Variants in LRP6 observed in about 807,000 individuals in gnomAD.
LRP6 encodes low-density lipoprotein receptor-related protein 6.
In LRP6, 43 loss-of-function variants were observed where a neutral mutation model predicts 184.1. The ratio of observed to expected loss-of-function variants is 0.23; its 90% CI spans 0.18 to 0.30. The LOEUF is 0.30. Among genes scored for constraint, LRP6 ranks in the 10% least tolerant of loss-of-function variants. The probability of loss-of-function intolerance (pLI) is 1.00; values close to 1 mark genes in which losing one functional copy is unlikely to be tolerated. For missense variants in LRP6, 1,571 were observed against 2,005.3 expected (o/e 0.78, Z 4.14); for synonymous variants, 719 against 684.9 (o/e 1.05, Z -0.78).
chr12:12,228,482 T>A (rs1352638566), intron 2 of LRP6, among the ~76,000 whole-genome samples: 1 of 152,214 alleles, frequency 6.6e-6, no homozygotes, highest in Non-Finnish European at 1.5e-5. Flanking sequence ...AGTCTCAGGA[T>A]CTGCTTTATG....
At chr12:12,184,310 A>G (rs931162810) in intron 4 of LRP6, among the ~76,000 whole-genome samples, 199 bp from the exon 5 acceptor site, 7 of 152,228 alleles carry the variant, frequency 4.6e-5, no homozygotes, top group Admixed American at 3.9e-4. Flanking sequence ...GGAATACACA[A>G]GAAGTAAAGC....
chr12:12,205,725 G>C (rs530273450), intron 2 of LRP6, among the ~76,000 whole-genome samples: 1 of 152,262 alleles, frequency 6.6e-6, no homozygotes, highest in African/African-American at 2.4e-5. Flanking sequence ...AATAAATGAA[G>C]AACAGAAATT....
chr12:12,158,931 T>C lies in LRP6; in HGVS notation c.2689A>G (p.Asn897Asp). ...AAGCAGAGGTGGGAGCAGTGCCCAT[T>C]GCTGGAAGCACATTCATTCCACCCT... The part of the protein sequence containing the change: ...QSGWNECASS[N>D]GHCSHLCLAV... Residue 897 changes from asparagine to aspartate, a missense_variant, in exon 12 of 23, where the codon AAT (asparagine) becomes GAT (aspartate). Transcript: ENST00000261349. 1 of 1,614,234 alleles carries C rather than the reference T, an allele frequency of 6.2e-7. No homozygotes were observed. The highest frequency in any genetic ancestry group is 8.5e-7 in the Non-Finnish European group (1 of 1,180,038).
intron 19 of LRP6, among the ~76,000 whole-genome samples, chr12:12,127,361 T>C (rs1949686265): frequency 6.6e-6 from 1 of 152,202 alleles, no homozygotes; most frequent in African/African-American, 2.4e-5. Flanking sequence ...AGTCATCAAA[T>C]GTTTTACCTG....
chr12:12,159,012 G>C lies in LRP6; in HGVS notation c.2608C>G (p.Gln870Glu). The change falls in exon 12 of 23, where the codon CAG becomes GAG. Residue 870 changes from glutamine to glutamate, a missense_variant. By Grantham distance (29) the Gln-to-Glu change is conservative (BLOSUM62 2). Coordinates refer to ENST00000261349, the MANE Select transcript of LRP6 (RefSeq NM_002336.3). ...KTSGQNRTII[Q>E]GHLDYVMDIL... ...TCCATCACATAATCCAAATGGCCCTGAATGATGGTGCGGTTTTGGCCACTG... is the reference window on the plus strand; with the variant it reads ...TCCATCACATAATCCAAATGGCCCTCAATGATGGTGCGGTTTTGGCCACTG... 1.9e-6 allele frequency: 3 copies of C among 1,614,188 alleles called. No homozygotes were observed. The highest frequency in any genetic ancestry group is 1.1e-5 in the South Asian group (1 of 91,082).
At chr12:12,204,999 T>C (rs1022957894) in intron 2 of LRP6, among the ~76,000 whole-genome samples, 5 of 151,448 alleles carry the variant, frequency 3.3e-5, no homozygotes, top group East Asian at 2.0e-4. Context: ...AAAAACTCTT[T>C]AATGTATTAT....
chr12:12,156,467 G>A (rs1313593488), intron 12 of LRP6, among the ~76,000 whole-genome samples: 1 of 152,150 alleles, frequency 6.6e-6, no homozygotes, highest in African/African-American at 2.4e-5. Flanking sequence ...GAAATGTGGG[G>A]TATAGGTCAT....
At position 12,121,362 on chromosome 12, in the gene LRP6, C is replaced by T; in HGVS notation, c.4606G>A (p.Val1536Ile). The T allele has an allele frequency of 6.2e-7, 1 of 1,614,092 alleles. No homozygotes were observed. Among genetic ancestry groups the T allele is most frequent in the Non-Finnish European group, 8.5e-7 (1 of 1,180,026 alleles). Residue 1536 changes from valine (V) to isoleucine (I), a missense_variant, in exon 23 of 23, where the codon GTT (valine) becomes ATT (isoleucine). By Grantham distance (29) the Val-to-Ile change is conservative (BLOSUM62 3). Around this residue, in one of 4 missense-constraint regions of LRP6, gnomAD observed 763 missense variants for 859.5 expected, o/e 0.89. Transcript: ENST00000261349. Reference sequence around the variant, plus strand: ...CTAGGAGCATAGTCACTGTCACAAACATCTGTGCTGCAGGGTGTGGTGGGG... The same window carrying T: ...CTAGGAGCATAGTCACTGTCACAAATATCTGTGCTGCAGGGTGTGGTGGGG... ...APPTTPCSTDVCDSDYAPSRR... is the reference protein window; with the variant it reads ...APPTTPCSTDICDSDYAPSRR...
At chr12:12,143,700 G>A (rs1042795812) in intron 15 of LRP6, among the ~76,000 whole-genome samples, 3 of 152,002 alleles carry the variant, frequency 2.0e-5, no homozygotes, top group Non-Finnish European at 2.9e-5. Context: ...TTTAACCCCT[G>A]CCTCACACTA....
chr12:12,194,657 T>C (rs202064533), intron 3 of LRP6, among the ~76,000 whole-genome samples: 351 of 151,858 alleles, frequency 2.3e-3, no homozygotes, highest in African/African-American at 8.2e-3. Flanking sequence ...AATGTTGCAA[T>C]ATATATAAGG....
chr12:12,211,292 ATTAG>A (rs1008347204), intron 2 of LRP6, among the ~76,000 whole-genome samples: 3 of 152,150 alleles, frequency 2.0e-5, no homozygotes, highest in African/African-American at 4.8e-5. Flanking sequence ...AAATACAAAA[ATTAG>A]TTAGGCGTGG....
intron 3 of LRP6, among the ~76,000 whole-genome samples, chr12:12,200,493 G>A (rs1452697778): frequency 1.3e-5 from 2 of 152,066 alleles, no homozygotes; most frequent in South Asian, 2.1e-4. Context: ...CCATTTCCAG[G>A]TATTTTCTGT....
chr12:12,206,782 A>T (rs1203931798), intron 2 of LRP6, among the ~76,000 whole-genome samples: 1 of 151,912 alleles, frequency 6.6e-6, no homozygotes, highest in Non-Finnish European at 1.5e-5. Flanking sequence ...ATAAAATTGG[A>T]GGTGAAATGA....
intron 1 of LRP6, among the ~76,000 whole-genome samples, chr12:12,245,421 G>C (rs1027102851): frequency 1.3e-5 from 2 of 152,126 alleles, no homozygotes; most frequent in Admixed American, 6.5e-5. Context: ...TCAAAATAGG[G>C]AAAGAAGGTG....
At chr12:12,177,898 A>G (rs536637512) in intron 7 of LRP6, among the ~76,000 whole-genome samples, 41 of 152,210 alleles carry the variant, frequency 2.7e-4, no homozygotes, top group African/African-American at 9.9e-4. Context: ...ATGAAGGAAC[A>G]AATGAACGAA....
chr12:12,217,716 T>C (rs1213492130), intron 2 of LRP6, among the ~76,000 whole-genome samples: 1 of 151,774 alleles, frequency 6.6e-6, no homozygotes, highest in Non-Finnish European at 1.5e-5. Context: ...GAAATGAAAA[T>C]CCAAAAATAA....
At position 12,120,027 on chromosome 12, in the gene LRP6, ATATATATATATAT is replaced by A. The variant is rs1949581873; in HGVS notation, c.*1086_*1098del. 1 of 117,352 alleles carries A rather than the reference ATATATATATATAT, an allele frequency of 8.5e-6. No individual in the cohort carries two copies. Among genetic ancestry groups the A allele is most frequent in the Admixed American group, 8.4e-5 (1 of 11,940 alleles). The allele number at this position is 117,352 out of a possible 1,614,324, so 7.3% of individuals were successfully genotyped here. A position where few individuals can be genotyped will look rare whatever the true frequency, so the allele number is the denominator to read the frequency against. ...TATATATATATATATATATATATAT[ATATATATATATAT>A]ATAAATGATTTCGTACTGTGATATA... On this transcript the variant is annotated 3_prime_UTR_variant, in exon 23 of 23. Coordinates refer to ENST00000261349, the MANE Select transcript of LRP6 (RefSeq NM_002336.3).
intron 15 of LRP6, among the ~76,000 whole-genome samples, chr12:12,142,679 A>C (rs939681492): frequency 1.3e-5 from 2 of 152,180 alleles, no homozygotes; most frequent in South Asian, 4.1e-4. Flanking sequence ...GAAAATTATA[A>C]GGTAATCCTT....
intron 2 of LRP6, among the ~76,000 whole-genome samples, chr12:12,218,371 G>A (rs1257127995): frequency 6.6e-6 from 1 of 151,820 alleles, no homozygotes; most frequent in Non-Finnish European, 1.5e-5. Flanking sequence ...CAGCTACTCA[G>A]GAGGCTAAAA....
Sources: gnomAD v4.1 joint callset for allele counts (sites outside exome capture counted in the v4.1 genomes callset) on GRCh38, gnomAD v4.1.1 for gene constraint, gnomAD v4.1.1 regional missense constraint, MANE v1.5 for transcripts, NCBI Gene and HGNC (gene_info 2026-07-23, HGNC 2026-07-21) for gene names.